Variants in CCR6 observed in about 807,000 individuals in gnomAD.
CCR6 encodes C-C motif chemokine receptor 6, also known as C-C chemokine receptor type 6.
A neutral mutation model predicts 3.0 loss-of-function variants in CCR6; 2 were observed. The observed-to-expected ratio is 0.66, with a 90% CI of 0.27 to 2.07. CCR6 has a LOEUF of 2.07. Ranked by LOEUF, CCR6 falls within the 30% of genes most tolerant of loss-of-function variation. The pLI is 0.14. For missense variants in CCR6, 322 were observed against 462.8 expected, an observed-to-expected ratio of 0.70 and a Z score of 2.79; for synonymous variants, 193 against 184.3, an observed-to-expected ratio of 1.05 and a Z score of -0.38.
At chr6:167,119,283 C>G (rs1562555520), upstream of CCR6, 1 of 152,808 alleles carries the variant, frequency 6.5e-6, no homozygotes, top group Non-Finnish European at 1.5e-5. Flanking sequence ...TCTGTGCTCC[C>G]TCCTGTGAAC....
At chr6:167,132,596 A>C (rs1278319419) in intron 1 of CCR6, among the ~76,000 whole-genome samples, 5 of 152,160 alleles carry the variant, frequency 3.3e-5, no homozygotes, top group African/African-American at 1.2e-4. Flanking sequence ...GCTGGACTGC[A>C]GTGGCGTAAT....
intron 1 of CCR6, among the ~76,000 whole-genome samples, chr6:167,133,924 A>ATGTG (rs1227762602): frequency 1.5e-5 from 1 of 65,778 alleles, no homozygotes; most frequent in Admixed American, 1.9e-4. Context: ...TATATATGAT[A>ATGTG]TATGTGTGTA....
At chr6:167,135,132 A>G (rs1583002124) in intron 1 of CCR6, 1 of 152,384 alleles carries the variant, frequency 6.6e-6, no homozygotes, top group Middle Eastern at 3.4e-3. Context: ...CTGTTTCACA[A>G]ACATACAGGG....
In CCR6 at chr6:167,136,834, C is replaced by G; in HGVS notation, c.604C>G (p.Gln202Glu). 6.2e-7 allele frequency: 1 copy of G among 1,614,136 alleles called. No individual in the cohort carries two copies. Among genetic ancestry groups the G allele is most frequent in the Non-Finnish European group, 8.5e-7 (1 of 1,180,032 alleles). ...CAGCGATGTCTGTGAACCCAAGTAC[C>G]AGACTGTCTCGGAGCCCATCAGGTG... ...QGSDVCEPKY[Q>E]TVSEPIRWKL... Residue 202 changes from glutamine (Q) to glutamate (E), a missense_variant, in exon 3 of 3, where the codon CAG becomes GAG. By Grantham distance (29) the Gln-to-Glu change is conservative. Transcript: ENST00000341935. The surrounding 1 kb of genome is among the most constrained non-coding windows in gnomAD (Gnocchi z 4.6).
intron 1 of CCR6, among the ~76,000 whole-genome samples, chr6:167,117,616 CG>C (rs1781520993): frequency 6.6e-6 from 1 of 151,454 alleles, no homozygotes; most frequent in Non-Finnish European, 1.5e-5. Flanking sequence ...GGGGTTTCAC[CG>C]TGTCAGCCAG....
At chr6:167,115,801 T>G (rs1781484379) in intron 1 of CCR6, 1 of 152,236 alleles carries the variant, frequency 6.6e-6, no homozygotes, top group African/African-American at 2.4e-5. Flanking sequence ...ATAATTACAT[T>G]TCTTATATTT....
At chr6:167,130,998 C>T (rs1333271144) in intron 1 of CCR6, among the ~76,000 whole-genome samples, 10 of 84,458 alleles carry the variant, frequency 1.2e-4, no homozygotes, top group East Asian at 3.6e-4. Flanking sequence ...GACCCCCTCC[C>T]TTTGGGACCC....
intron 1 of CCR6, among the ~76,000 whole-genome samples, chr6:167,128,735 C>A (rs1781709476): frequency 6.6e-6 from 1 of 152,138 alleles, no homozygotes; most frequent in Admixed American, 6.5e-5. Context: ...CCACACCCAG[C>A]TAATTTTTTT....
Position 167,136,950 on chromosome 6 carries a change from C to T in CCR6, c.720C>T (p.Thr240=). The change falls in exon 3 of 3, where the codon ACC becomes ACT. Residue 240 remains threonine (T), a synonymous_variant. Transcript: ENST00000341935. The surrounding 1 kb of genome is among the most constrained non-coding windows in gnomAD (Gnocchi z 4.6). The stretch of plus-strand genomic sequence containing the variant: ...TTTGTTACACGTTCATTGTCAAAAC[C>T]TTGGTGCAAGCTCAGAATTCTAAAA... ...MIFCYTFIVK[T]LVQAQNSKRH... 6.2e-7 allele frequency: 1 copy of T among 1,614,138 alleles called. No individual in the cohort carries two copies. The highest frequency in any genetic ancestry group is 8.5e-7 in the Non-Finnish European group (1 of 1,180,030).
In CCR6 at chr6:167,133,932, G is replaced by GTGTGTGTATATA. The variant is rs1183741225; in HGVS notation, c.-97-2105_-97-2104insGTGTGTATATAT. Among the ~76,000 whole-genome samples, 449 of 110,348 alleles carry GTGTGTGTATATA rather than the reference G, an allele frequency of 4.1e-3. 8 individuals carry two copies. The highest frequency in any genetic ancestry group is 5.8e-3 in the Non-Finnish European group (336 of 57,634). 72.4% of individuals were successfully genotyped at this position (110,348 alleles called of 152,430 possible). On this transcript the variant is annotated intron_variant, in intron 1 of 2. Coordinates refer to ENST00000341935, the MANE Select transcript of CCR6 (RefSeq NM_031409.4). ...ATACTATTATATATGATATATGTGT[G>GTGTGTGTATATA]TATATATATATATATATATATATAT...
chr6:167,125,850 C>CA (rs1267063142), intron 1 of CCR6, among the ~76,000 whole-genome samples: 5 of 151,038 alleles, frequency 3.3e-5, no homozygotes, highest in African/African-American at 4.9e-5. Flanking sequence ...ATAAAAATTG[C>CA]AAAAAAAATT....
chr6:167,114,584 T>C (rs1419609437), intron 1 of CCR6, among the ~76,000 whole-genome samples: 1 of 152,180 alleles, frequency 6.6e-6, no homozygotes, highest in Non-Finnish European at 1.5e-5. Flanking sequence ...TTTCAAACCC[T>C]GGCACGGAGA....
chr6:167,135,694 A>T (rs1460700698), intron 1 of CCR6, among the ~76,000 whole-genome samples: 1 of 152,220 alleles, frequency 6.6e-6, no homozygotes, highest in Non-Finnish European at 1.5e-5. Flanking sequence ...GATTTCTGAG[A>T]GCACCTTATT....
chr6:167,118,821 G>T (rs946793402), upstream of CCR6, among the ~76,000 whole-genome samples: 1 of 152,132 alleles, frequency 6.6e-6, no homozygotes, highest in African/African-American at 2.4e-5. Flanking sequence ...TGGGCCTTTA[G>T]TGAGGATTAA....
At chr6:167,130,306 A>G (rs993077498) in intron 1 of CCR6, among the ~76,000 whole-genome samples, 4 of 151,814 alleles carry the variant, frequency 2.6e-5, no homozygotes, top group Non-Finnish European at 4.4e-5. Context: ...CTCATCTGCC[A>G]CTCGTAGATA....
At position 167,136,464 on chromosome 6, in the gene CCR6, G is replaced by C. The variant is rs910055630; in HGVS notation, c.234G>C (p.Arg78Ser). Reference sequence around the variant, plus strand: ...CCTTTGCTTTTTATAAGAAGGCCAGGTCTATGACAGACGTCTATCTCTTGA... The same window carrying C: ...CCTTTGCTTTTTATAAGAAGGCCAGCTCTATGACAGACGTCTATCTCTTGA... ...VITFAFYKKA[R>S]SMTDVYLLNM... is the part of the protein sequence containing the mutation. The change falls in exon 3 of 3, where the codon AGG (arginine) becomes AGC (serine). Residue 78 changes from arginine to serine, a missense_variant. Transcript: ENST00000341935. This position sits in a 1 kb window ranked among gnomAD's most constrained non-coding sequence, Gnocchi z 4.6. The C allele has an allele frequency of 3.1e-6, 5 of 1,604,650 alleles. No homozygotes were observed. The highest frequency in any genetic ancestry group is 4.3e-6 in the Non-Finnish European group (5 of 1,175,336).
rs566693748 is a variant in CCR6 at position 167,137,493 on chromosome 6, G to A, written c.*138G>A. Reference sequence around the variant, plus strand: ...AAGCCTCTCTCCTGCGGGACTTAACGTGCTCATGGGCTGTGTGATCTCTTC... The same window carrying A: ...AAGCCTCTCTCCTGCGGGACTTAACATGCTCATGGGCTGTGTGATCTCTTC... On this transcript the variant is annotated 3_prime_UTR_variant, in exon 3 of 3. Coordinates refer to ENST00000341935, the MANE Select transcript of CCR6 (RefSeq NM_031409.4). This position sits in a 1 kb window ranked among gnomAD's most constrained non-coding sequence, Gnocchi z 4.6. 1.0e-5 allele frequency: 8 copies of A among 768,486 alleles called. No homozygotes were observed. Among genetic ancestry groups the A allele is most frequent in the South Asian group, 1.9e-5 (1 of 53,534 alleles). 47.6% of individuals were successfully genotyped at this position (768,486 alleles called of 1,614,324 possible). A position where few individuals can be genotyped will look rare whatever the true frequency, so the allele number is the denominator to read the frequency against.
chr6:167,116,564 A>G (rs1012708411), intron 1 of CCR6, among the ~76,000 whole-genome samples: 1 of 152,088 alleles, frequency 6.6e-6, no homozygotes, highest in Non-Finnish European at 1.5e-5. Context: ...TTTTGCTTCA[A>G]CTGAGAGTAG....
chr6:167,125,574 A>G (rs956555998), intron 1 of CCR6, among the ~76,000 whole-genome samples: 3 of 152,190 alleles, frequency 2.0e-5, no homozygotes, highest in Non-Finnish European at 2.9e-5. Flanking sequence ...AAGTCCAAAA[A>G]CATGGTTTTC....
Sources: gnomAD v4.1 joint callset for allele counts (sites outside exome capture counted in the v4.1 genomes callset) on GRCh38, gnomAD v4.1.1 for gene constraint, Gnocchi (gnomAD v3.1) non-coding constraint, MANE v1.5 for transcripts, NCBI Gene and HGNC (gene_info 2026-07-23, HGNC 2026-07-21) for gene names.